The following CDH1 variants were observed in gnomAD, a reference collection of about 807,000 sequenced individuals.
CDH1 encodes cadherin 1.
Under a neutral mutation model 84.5 loss-of-function variants are expected in CDH1, and 35 were observed. The observed-to-expected ratio is 0.41, with a 90% CI of 0.32 to 0.55. The LOEUF (loss-of-function observed/expected upper bound fraction) is 0.55, where lower values mean the gene tolerates loss of function less well. Among genes scored for constraint, CDH1 ranks in the 20% least tolerant of loss-of-function variants. The probability of loss-of-function intolerance (pLI) is 0.19; values close to 1 mark genes in which losing one functional copy is unlikely to be tolerated. For synonymous variants in CDH1, 417 were observed against 439.0 expected, an observed-to-expected ratio of 0.95 and a Z score of 0.63; for missense variants, 994 against 1,126.6, an observed-to-expected ratio of 0.88 and a Z score of 1.68.
At chr16:68,787,187 C>T (rs1008307940) in intron 2 of CDH1, among the ~76,000 whole-genome samples, 2 of 152,184 alleles carry the variant, frequency 1.3e-5, no homozygotes, top group Non-Finnish European at 2.9e-5. Context: ...ACCCATCCCA[C>T]ATTGCTGTTA....
At chr16:68,799,779 G>A (rs56740932) in intron 2 of CDH1, among the ~76,000 whole-genome samples, 4,966 of 152,080 alleles carry the variant, frequency 0.033, 258 homozygotes, top group African/African-American at 0.11. Flanking sequence ...TTTGGGAGGC[G>A]AGGTGGATGG....
chr16:68,786,137 C>T (rs1195760922), intron 2 of CDH1, among the ~76,000 whole-genome samples: 1 of 152,010 alleles, frequency 6.6e-6, no homozygotes, highest in Admixed American at 6.6e-5. Context: ...TCTTCATGCT[C>T]TTTTCTTTTC....
intron 2 of CDH1, among the ~76,000 whole-genome samples, chr16:68,768,110 C>T (rs1959442078): frequency 1.3e-5 from 2 of 152,154 alleles, no homozygotes; most frequent in African/African-American, 4.8e-5. Flanking sequence ...CCACACCCAG[C>T]TAATTTTGCA....
chr16:68,801,597 C>T (rs1451866366), intron 2 of CDH1, 73 bp from the exon 3 acceptor site: 17 of 1,273,678 alleles, frequency 1.3e-5, no homozygotes, highest in East Asian at 9.2e-5. Context: ...CCCACAAGTT[C>T]GCTCTTTGGA....
intron 2 of CDH1, among the ~76,000 whole-genome samples, chr16:68,763,777 T>G (rs1959292301): frequency 6.6e-6 from 1 of 152,236 alleles, no homozygotes; most frequent in Non-Finnish European, 1.5e-5. Flanking sequence ...GTTCTCTGTC[T>G]TTAATGTGCT....
chr16:68,784,017 A>G (rs777308513), intron 2 of CDH1, among the ~76,000 whole-genome samples: 2 of 152,056 alleles, frequency 1.3e-5, no homozygotes, highest in Non-Finnish European at 2.9e-5. Context: ...CATTGAGTGG[A>G]TGCCCATCAT....
At chr16:68,809,489 A>G (rs1960760667) in intron 5 of CDH1, among the ~76,000 whole-genome samples, 1 of 150,890 alleles carries the variant, frequency 6.6e-6, no homozygotes, top group East Asian at 2.0e-4. Context: ...GGAGGGAGCC[A>G]CTGCACCCGG....
rs754802438 is a variant in CDH1, at chr16:68,819,445, G to A, written c.1711+20G>A. The stretch of plus-strand genomic sequence containing the variant: ...ACAATGGTAAGGGGGCCTCATCTGA[G>A]CCTTTGCTGCCTCGACCTCCTAGCT... On this transcript the variant is annotated intron_variant, in intron 11 of 15. Coordinates refer to ENST00000261769, the MANE Select transcript of CDH1 (RefSeq NM_004360.5). The A allele has an allele frequency of 1.2e-6, 2 of 1,612,186 alleles. No homozygotes were observed. The highest frequency in any genetic ancestry group is 1.1e-5 in the South Asian group (1 of 90,994).
At chr16:68,816,616 G>A (rs1238850558) in intron 10 of CDH1, among the ~76,000 whole-genome samples, 3 of 152,114 alleles carry the variant, frequency 2.0e-5, no homozygotes, top group African/African-American at 4.8e-5. Flanking sequence ...GGGCATGGTG[G>A]TACACACCTG....
intron 2 of CDH1, among the ~76,000 whole-genome samples, chr16:68,741,917 T>C (rs984713782): frequency 2.6e-5 from 4 of 152,160 alleles, no homozygotes; most frequent in African/African-American, 9.7e-5. Context: ...GTGATCCGCC[T>C]GCCTTGGCCT....
intron 2 of CDH1, among the ~76,000 whole-genome samples, chr16:68,767,485 A>G (rs956662668): frequency 6.6e-6 from 1 of 151,968 alleles, no homozygotes; most frequent in Non-Finnish European, 1.5e-5. Context: ...GGCCTGAGCC[A>G]CCGTGCCCGG....
At chr16:68,800,590 T>C (rs892078312) in intron 2 of CDH1, among the ~76,000 whole-genome samples, 7 of 152,102 alleles carry the variant, frequency 4.6e-5, no homozygotes, top group Non-Finnish European at 1.0e-4. Context: ...TTGGATGAAA[T>C]AGAAATTCCA....
chr16:68,833,670 A>C lies in CDH1; in HGVS notation c.*171A>C. 1.6e-6 allele frequency: 1 copy of C among 630,678 alleles called. No homozygotes were observed. Among genetic ancestry groups the C allele is most frequent in the South Asian group, 1.8e-5 (1 of 54,482 alleles). The allele number at this position is 630,678 out of a possible 1,614,324, so 39.1% of individuals were successfully genotyped here. On this transcript the variant is annotated 3_prime_UTR_variant, in exon 16 of 16. Coordinates refer to ENST00000261769, the MANE Select transcript of CDH1 (RefSeq NM_004360.5). ...ACTCTCTCCACTTTATAGCTCTAAT[A>C]AGTTTGTGTTAGAAAAGTTTCGACT...
chr16:68,783,388 CAAAAAAA>C (rs375080273), intron 2 of CDH1, among the ~76,000 whole-genome samples: 3 of 62,006 alleles, frequency 4.8e-5, no homozygotes, highest in South Asian at 1.1e-3. Flanking sequence ...CAGAGTATCT[CAAAAAAA>C]AAAAAAAAAG....
intron 2 of CDH1, among the ~76,000 whole-genome samples, chr16:68,757,287 C>G (rs960393002): frequency 1.3e-5 from 2 of 152,134 alleles, no homozygotes; most frequent in Admixed American, 1.3e-4. Context: ...CAGGGTTTCA[C>G]CATGTTGGCC....
At chr16:68,744,851 T>C (rs1331936461) in intron 2 of CDH1, among the ~76,000 whole-genome samples, 1 of 152,148 alleles carries the variant, frequency 6.6e-6, no homozygotes, top group Non-Finnish European at 1.5e-5. Context: ...AAGTCTCCCA[T>C]GTTTTACGTT....
In CDH1 at chr16:68,812,189, T is replaced by C. The variant is rs750470983; in HGVS notation, c.1063T>C (p.Leu355=). The C allele has an allele frequency of 6.2e-6, 10 of 1,613,988 alleles. No individual in the cohort carries two copies. Among genetic ancestry groups the C allele is most frequent in the Non-Finnish European group, 7.6e-6 (9 of 1,180,004 alleles). The part of the protein sequence containing the change: ...VQAADLQGEG[L]STTATAVITV... ...AGCTGCTGACCTTCAAGGTGAGGGG[T>C]TAAGCACAACAGCAACAGCTGTGAT... Residue 355 remains leucine, a synonymous_variant, in exon 8 of 16, where the codon TTA becomes CTA. Transcript: ENST00000261769.
intron 2 of CDH1, among the ~76,000 whole-genome samples, chr16:68,767,120 T>C (rs182449808): frequency 6.6e-6 from 1 of 152,116 alleles, no homozygotes; most frequent in African/African-American, 2.4e-5. Flanking sequence ...TAGAAAGTTT[T>C]AGGGTCGTTT....
At chr16:68,740,839 T>A (rs1296224239) in intron 2 of CDH1, among the ~76,000 whole-genome samples, 3 of 152,136 alleles carry the variant, frequency 2.0e-5, no homozygotes, top group Non-Finnish European at 4.4e-5. Context: ...TTCTTCCTAC[T>A]TTGCAAGTGA....
Sources: gnomAD v4.1 joint callset for allele counts (sites outside exome capture counted in the v4.1 genomes callset) on GRCh38, gnomAD v4.1.1 for gene constraint, MANE v1.5 for transcripts, NCBI Gene and HGNC (gene_info 2026-07-23, HGNC 2026-07-21) for gene names.